Variants in TSPOAP1 observed in about 807,000 individuals in gnomAD.
TSPOAP1 encodes the protein TSPO associated protein 1.
TSPOAP1 carries 87 observed loss-of-function variants against 197.0 expected under a neutral mutation model. That is an observed-to-expected ratio of 0.44 (90% CI 0.37 to 0.53). The LOEUF is 0.53. Ranked by LOEUF, TSPOAP1 falls within the 20% of genes least tolerant of loss-of-function variation. The pLI is 0.00. For synonymous variants in TSPOAP1, 913 were observed against 998.9 expected, an observed-to-expected ratio of 0.91 and a Z score of 1.62; for missense variants, 2,174 against 2,411.3, an observed-to-expected ratio of 0.90 and a Z score of 2.06.
chr17:58,322,025 C>T lies in TSPOAP1; in HGVS notation c.1422+283G>A. The T allele has an allele frequency of 2.4e-6, 1 of 414,186 alleles. No individual in the cohort carries two copies. Among genetic ancestry groups the T allele is most frequent in the East Asian group, 4.1e-5 (1 of 24,690 alleles). The allele number at this position is 414,186 out of a possible 1,614,324, so 25.7% of individuals were successfully genotyped here. A position where few individuals can be genotyped will look rare whatever the true frequency, so the allele number is the denominator to read the frequency against. On this transcript the variant is annotated intron_variant, in intron 10 of 31. Transcript: ENST00000343736. This position sits in a 1 kb window ranked among gnomAD's most constrained non-coding sequence, Gnocchi z 5.0. The stretch of plus-strand genomic sequence containing the variant: ...CCTGGCTGGCAAGGTCAATTGTCAC[C>T]TCCTCAGGGAGGCCTTCCCTGATGA...
At chr17:58,323,154 C>A in intron 7 of TSPOAP1, 115 bp from the exon 8 acceptor site, 1 of 1,464,710 alleles carries the variant, frequency 6.8e-7, no homozygotes, top group Non-Finnish European at 9.4e-7. Flanking sequence ...CTGGAACCTG[C>A]ACCAGCCAGG....
Position 58,319,503 on chromosome 17 carries a change from A to G in TSPOAP1, c.1495-209T>C, listed in dbSNP as rs372728359. Among the ~76,000 whole-genome samples, 246 of 152,080 alleles carry G rather than the reference A, an allele frequency of 1.6e-3. 5 individuals carry two copies. The South Asian group carries it at 0.05, about 31-fold the overall frequency. On this transcript the variant is annotated intron_variant, in intron 12 of 31. Coordinates refer to ENST00000343736, the MANE Select transcript of TSPOAP1 (RefSeq NM_004758.4). ...CTGGGCTGTGTCCTGGGACATCTTC[A>G]CCCCAGCCCCCTCCAGAGCCAAGGC...
chr17:58,305,746 A>G, intron 27 of TSPOAP1, 87 bp downstream of exon 27: 1 of 1,554,668 alleles, frequency 6.4e-7, no homozygotes, highest in Non-Finnish European at 8.8e-7. Flanking sequence ...CCACCTCCCC[A>G]CTAGCTGTAG....
intron 11 of TSPOAP1, 107 bp from the exon 12 acceptor site, chr17:58,320,236 A>T (rs994820030): frequency 9.5e-6 from 13 of 1,362,412 alleles, no homozygotes; most frequent in Non-Finnish European, 1.3e-5. Flanking sequence ...TCATCCAGTC[A>T]GCTCCCTGGA....
At position 58,316,451 on chromosome 17, in the gene TSPOAP1, C is replaced by T; in HGVS notation, c.1962G>A (p.Arg654=). 2 of 1,613,770 alleles carry T rather than the reference C, an allele frequency of 1.2e-6. No individual in the cohort carries two copies. Among genetic ancestry groups the T allele is most frequent in the Non-Finnish European group, 1.7e-6 (2 of 1,179,792 alleles). ...AAPEGSRGGA[R]IQVFLARYSY... ...TATAACGTGCTAGGAAGACCTGGAT[C>T]CTGGCTCCTCCCCGGCTGCCCTCTG... Residue 654 remains arginine, a synonymous_variant, in exon 15 of 32, where the codon AGG becomes AGA. Coordinates refer to ENST00000343736, the MANE Select transcript of TSPOAP1 (RefSeq NM_004758.4).
intron 27 of TSPOAP1, 54 bp downstream of exon 27, chr17:58,305,779 G>A: frequency 6.2e-7 from 1 of 1,605,630 alleles, no homozygotes; most frequent in Middle Eastern, 1.7e-4. Context: ...GGCCAGAGGG[G>A]CCACCCACCC....
Position 58,311,720 on chromosome 17 carries a change from G to A in TSPOAP1, c.2932C>T (p.Pro978Ser). Residue 978 changes from proline (P) to serine (S), a missense_variant and splice_region_variant, in exon 18 of 32, where the codon CCA becomes TCA. Physicochemically the swap from Pro to Ser is moderately conservative, Grantham distance 74. Transcript: ENST00000343736. ...TGCACATCCAGAGGGGCATCAGGTG[G>A]GCCTGGGGGCAGGGGGGCACAAGAC... ...TLQFTTLPAGPPDAPLDVQIE... is the reference protein window; with the variant it reads ...TLQFTTLPAGSPDAPLDVQIE... The A allele has an allele frequency of 6.4e-7, 1 of 1,566,754 alleles. No individual in the cohort carries two copies. Among genetic ancestry groups the A allele is most frequent in the Non-Finnish European group, 8.7e-7 (1 of 1,152,694 alleles).
At position 58,318,291 on chromosome 17, in the gene TSPOAP1, G is replaced by T. The variant is rs538240615; in HGVS notation, c.1861C>A (p.Pro621Thr). Residue 621 changes from proline to threonine, a missense_variant, in exon 14 of 32, where the codon CCT (proline) becomes ACT (threonine). Pro to Thr is a conservative substitution (Grantham distance 38). Coordinates refer to ENST00000343736, the MANE Select transcript of TSPOAP1 (RefSeq NM_004758.4). ...ESIHNSPKSCPTPEVDTASEV... is the reference protein window; with the variant it reads ...ESIHNSPKSCTTPEVDTASEV... ...ACCCCAGCAATTACCTCAGGTGTAG[G>T]GCATGACTTGGGGCTGTTGTGGATG... The T allele has an allele frequency of 6.2e-7, 1 of 1,614,178 alleles. No homozygotes were observed. The highest frequency in any genetic ancestry group is 1.1e-5 in the South Asian group (1 of 91,084).
At position 58,311,164 on chromosome 17, in the gene TSPOAP1, GACA is replaced by G. The variant is rs1480210508; in HGVS notation, c.3128_3130del (p.Leu1043del). 6.2e-7 allele frequency: 1 copy of G among 1,611,536 alleles called. No homozygotes were observed. Among genetic ancestry groups the G allele is most frequent in the East Asian group, 2.2e-5 (1 of 44,838 alleles). Reference sequence around the variant, plus strand: ...ACACACCTGCAGCAGCTGCAGCTGGGACAACTCCACCAGTACACTGCCTGCCGT... The same window carrying G: ...ACACACCTGCAGCAGCTGCAGCTGGGACTCCACCAGTACACTGCCTGCCGT... On this transcript the variant is annotated inframe_deletion, in exon 19 of 32. Coordinates refer to ENST00000343736, the MANE Select transcript of TSPOAP1 (RefSeq NM_004758.4).
At chr17:58,319,325 C>T (rs781477368) in intron 12 of TSPOAP1, 31 bp from the exon 13 acceptor site, 6 of 1,543,400 alleles carry the variant, frequency 3.9e-6, no homozygotes, top group Non-Finnish European at 4.4e-6. Flanking sequence ...AGCCGCCAGG[C>T]CCCTCAAAGC....
At chr17:58,320,732 A>C (rs1971380118) in intron 10 of TSPOAP1, 151 bp from the exon 11 acceptor site, 6 of 551,716 alleles carry the variant, frequency 1.1e-5, no homozygotes, top group Non-Finnish European at 1.7e-5. Flanking sequence ...GAAGAGGGAT[A>C]GGGAAGGGGG....
rs140726952 is a variant in TSPOAP1, at chr17:58,327,142, C to A, written c.334-352G>T. On this transcript the variant is annotated intron_variant, in intron 1 of 31. Coordinates refer to ENST00000343736, the MANE Select transcript of TSPOAP1 (RefSeq NM_004758.4). ...CTGTTCCTTCCCTCTTCTACAGGAG[C>A]CTGCTCACACCCACCCCAACCCTGC... Among the ~76,000 whole-genome samples, 175 of 152,152 alleles carry A rather than the reference C, an allele frequency of 1.2e-3. 1 individual carries two copies. The highest frequency in any genetic ancestry group is 4.1e-3 in the African/African-American group (170 of 41,496).
chr17:58,305,028 C>T, intron 30 of TSPOAP1, 33 bp downstream of exon 30: 1 of 1,551,826 alleles, frequency 6.4e-7, no homozygotes, highest in Non-Finnish European at 8.9e-7. Flanking sequence ...GGTAGACTGC[C>T]CTGCCAAGCT....
At chr17:58,320,662 T>G (rs777922484) in intron 10 of TSPOAP1, 81 bp from the exon 11 acceptor site, 28 of 1,115,718 alleles carry the variant, frequency 2.5e-5, no homozygotes, top group South Asian at 1.6e-4. Flanking sequence ...GGAGGAAGGG[T>G]AGAAAGGACA....
chr17:58,322,826 C>T lies in TSPOAP1; in HGVS notation c.1195-50G>A. ...GTTGGGTGGGTGAGCCTTGACCCAC[C>T]AGCACCCTCACAGGGGGAACAGTAC... is the stretch of plus-strand genomic sequence containing the variant. On this transcript the variant is annotated intron_variant, in intron 8 of 31. Transcript: ENST00000343736. The surrounding 1 kb of genome is among the most constrained non-coding windows in gnomAD (Gnocchi z 5.0). The T allele has an allele frequency of 6.2e-7, 1 of 1,608,842 alleles. No individual in the cohort carries two copies. The highest frequency in any genetic ancestry group is 1.1e-5 in the South Asian group (1 of 90,866).
Position 58,302,099 on chromosome 17 carries a change from A to G in TSPOAP1, c.*381T>C, listed in dbSNP as rs1371712018. On this transcript the variant is annotated 3_prime_UTR_variant, in exon 32 of 32. Coordinates refer to ENST00000343736, the MANE Select transcript of TSPOAP1 (RefSeq NM_004758.4). ...TTCTCTAGAGAGTTCATCCTTAAGGAGCCATTTAGCTCTGACCTTCACCAA... is the reference window on the plus strand; with the variant it reads ...TTCTCTAGAGAGTTCATCCTTAAGGGGCCATTTAGCTCTGACCTTCACCAA... 3 of 493,174 alleles carry G rather than the reference A, an allele frequency of 6.1e-6. No homozygotes were observed. The highest frequency in any genetic ancestry group is 9.6e-6 in the Non-Finnish European group (3 of 310,898). The allele number at this position is 493,174 out of a possible 1,614,324, so 30.5% of individuals were successfully genotyped here.
chr17:58,325,991 C>A (rs540920462), intron 3 of TSPOAP1, among the ~76,000 whole-genome samples: 2 of 152,178 alleles, frequency 1.3e-5, no homozygotes, highest in Admixed American at 6.5e-5. Flanking sequence ...CAGCTCTATA[C>A]CCTGAGATGA....
chr17:58,320,194 G>C (rs1011992464), intron 11 of TSPOAP1, 65 bp from the exon 12 acceptor site: 2 of 1,595,114 alleles, frequency 1.3e-6, no homozygotes, highest in African/African-American at 2.7e-5. Context: ...CTAACCCAGA[G>C]AGGGAGGCGG....
In TSPOAP1 at chr17:58,309,925, G is replaced by A; in HGVS notation, c.3891+42C>T. ...TGACACACAGTGGGGAGGCCCCGGA[G>A]TTTGAGGCCTGGGGCCCAACAGCCC... On this transcript the variant is annotated intron_variant, in intron 21 of 31. Transcript: ENST00000343736. The surrounding 1 kb of genome is among the most constrained non-coding windows in gnomAD (Gnocchi z 5.0). 6.4e-7 allele frequency: 1 copy of A among 1,569,290 alleles called. No individual in the cohort carries two copies. The highest frequency in any genetic ancestry group is 1.2e-5 in the South Asian group (1 of 83,656).
Sources: gnomAD v4.1 joint callset for allele counts (sites outside exome capture counted in the v4.1 genomes callset) on GRCh38, gnomAD v4.1.1 for gene constraint, Gnocchi (gnomAD v3.1) non-coding constraint, MANE v1.5 for transcripts, NCBI Gene and HGNC (gene_info 2026-07-23, HGNC 2026-07-21) for gene names.